Variants in OTUD4 observed in about 807,000 individuals in gnomAD.
OTUD4 encodes the protein OTU domain-containing protein 4.
A neutral mutation model predicts 130.4 loss-of-function variants in OTUD4; 24 were observed. That is an observed-to-expected ratio of 0.18 (90% confidence interval 0.13 to 0.26). The LOEUF (loss-of-function observed/expected upper bound fraction) is 0.26. Among genes scored for constraint, OTUD4 ranks in the 10% least tolerant of loss-of-function variants. OTUD4 has a pLI of 1.00. For missense variants in OTUD4, 1,031 were observed against 1,329.4 expected, an observed-to-expected ratio of 0.78 and a Z score of 3.49; for synonymous variants, 420 against 472.5, an observed-to-expected ratio of 0.89 and a Z score of 1.44.
rs186594384 is a variant in OTUD4, at chr4:145,136,637, A to C, written c.*793T>G. ...TATTTTCAAAATGCATAGCATCTAC[A>C]TTTCTTTCGAGTAGGCACCATGATA... On this transcript the variant is annotated 3_prime_UTR_variant, in exon 21 of 21. Transcript: ENST00000447906. The C allele has an allele frequency of 1.3e-5, 2 of 152,546 alleles. No homozygotes were observed. Among genetic ancestry groups the C allele is most frequent in the African/African-American group, 4.8e-5 (2 of 41,490 alleles). 9.4% of individuals were successfully genotyped at this position (152,546 alleles called of 1,614,324 possible).
intron 5 of OTUD4, 55 bp downstream of exon 5, chr4:145,164,099 G>A: frequency 1.4e-6 from 1 of 730,624 alleles, no homozygotes; most frequent in Non-Finnish European, 2.4e-6. Flanking sequence ...GGTCATGGTA[G>A]CAACTAAGCG....
At chr4:145,144,636 G>T (rs1468227534) in intron 14 of OTUD4, among the ~76,000 whole-genome samples, 1 of 152,080 alleles carries the variant, frequency 6.6e-6, no homozygotes, top group South Asian at 2.1e-4. Context: ...TCGCTAAGTT[G>T]AAAGGATTAA....
chr4:145,160,035 A>T (rs1451148887), intron 6 of OTUD4, among the ~76,000 whole-genome samples: 3 of 152,218 alleles, frequency 2.0e-5, no homozygotes, highest in African/African-American at 7.2e-5. Context: ...CATTATTCTG[A>T]TTCTACAGAT....
intron 3 of OTUD4, chr4:145,171,320 C>CA (rs111725395): frequency 0.015 from 2,078 of 137,070 alleles, 8 homozygotes; most frequent in Middle Eastern, 0.024. Context: ...AATTCCACCT[C>CA]AAAAAAAAAA....
At chr4:145,156,096 A>C in intron 7 of OTUD4, 100 bp from the exon 8 acceptor site, 1 of 863,484 alleles carries the variant, frequency 1.2e-6, no homozygotes, top group Non-Finnish European at 1.9e-6. Flanking sequence ...ACTATGCTCC[A>C]AAAAGAGCTA....
At chr4:145,163,740 C>T (rs1329232271) in intron 5 of OTUD4, among the ~76,000 whole-genome samples, 1 of 137,290 alleles carries the variant, frequency 7.3e-6, no homozygotes, top group Non-Finnish European at 1.5e-5. Flanking sequence ...GAGGTTCACT[C>T]TTGATCCCCG....
intron 2 of OTUD4, among the ~76,000 whole-genome samples, chr4:145,172,936 C>T (rs1175711036): frequency 3.3e-5 from 5 of 152,096 alleles, no homozygotes; most frequent in African/African-American, 4.8e-5. Context: ...GAGCAGAAAG[C>T]GTCCACCTAT....
In OTUD4 at chr4:145,146,015, C is replaced by T. The variant is rs963691093; in HGVS notation, c.1422+252G>A. ...ACACATTTTAGTTCAAAAGAAAACA[C>T]GAAACACTACAAGTGAACAAACCAG... On this transcript the variant is annotated intron_variant, in intron 14 of 20. Coordinates refer to ENST00000447906, the MANE Select transcript of OTUD4 (RefSeq NM_001366057.1). 4 of 267,432 alleles carry T rather than the reference C, an allele frequency of 1.5e-5. No homozygotes were observed. In the South Asian group the frequency reaches 4.7e-4, roughly 32 times the overall value. 16.6% of individuals were successfully genotyped at this position (267,432 alleles called of 1,614,324 possible).
chr4:145,140,310 G>T (rs1161695262), intron 19 of OTUD4, among the ~76,000 whole-genome samples: 1 of 152,122 alleles, frequency 6.6e-6, no homozygotes, highest in African/African-American at 2.4e-5. Flanking sequence ...TTTTCTGGGG[G>T]TTTAAAAATT....
In OTUD4 at chr4:145,135,176, T is replaced by TA. The variant is rs1234294040; in HGVS notation, c.*2253dup. On this transcript the variant is annotated 3_prime_UTR_variant, in exon 21 of 21. Coordinates refer to ENST00000447906, the MANE Select transcript of OTUD4 (RefSeq NM_001366057.1). ...TTATTCCAGAGGTCACTGAGAAAAGTACCATCTGCTAAAATTCTCTTTCAA... is the reference window on the plus strand; with the variant it reads ...TTATTCCAGAGGTCACTGAGAAAAGTAACCATCTGCTAAAATTCTCTTTCAA... The TA allele has an allele frequency of 4.4e-6, 1 of 229,380 alleles. No individual in the cohort carries two copies. The highest frequency in any genetic ancestry group is 8.4e-6 in the Non-Finnish European group (1 of 118,838). The allele number at this position is 229,380 out of a possible 1,614,324, so 14.2% of individuals were successfully genotyped here.
chr4:145,160,488 T>C (rs1751502718), intron 6 of OTUD4, among the ~76,000 whole-genome samples: 1 of 152,186 alleles, frequency 6.6e-6, no homozygotes, highest in Non-Finnish European at 1.5e-5. Flanking sequence ...TTTATAACAA[T>C]GAGCTTTAAG....
Position 145,150,553 on chromosome 4 carries a change from C to T in OTUD4, c.1219G>A (p.Glu407Lys), listed in dbSNP as rs1027408186. Residue 407 changes from glutamate (E) to lysine (K), a missense_variant, in exon 13 of 21, where the codon GAG (glutamate) becomes AAG (lysine). Glu to Lys is a moderately conservative substitution (Grantham distance 56). This residue lies in a region of OTUD4 where 900 missense variants were observed against 1,095.9 expected (regional missense o/e 0.82). Transcript: ENST00000447906. ...SGSQSQKFSS[E>K]HKNLSRTPSQ... ...GGTGTCCGGCTAAGATTTTTGTGCT[C>T]ACTGGAGAATTTCTGAGACTGTGAC... The T allele has an allele frequency of 6.2e-7, 1 of 1,611,198 alleles. No individual in the cohort carries two copies. Among genetic ancestry groups the T allele is most frequent in the African/African-American group, 1.3e-5 (1 of 74,950 alleles).
At chr4:145,138,675 TA>T in intron 20 of OTUD4, 25 bp from the exon 21 acceptor site, 1 of 1,564,716 alleles carries the variant, frequency 6.4e-7, no homozygotes, top group South Asian at 1.2e-5. Context: ...AACAGTTAAA[TA>T]AACAAAAGAG....
intron 13 of OTUD4, among the ~76,000 whole-genome samples, 153 bp from the exon 14 acceptor site, chr4:145,146,582 C>T (rs1750839636): frequency 6.6e-6 from 1 of 151,092 alleles, no homozygotes; most frequent in Non-Finnish European, 1.5e-5. Flanking sequence ...ACTAATTTAG[C>T]TACACTGACA....
At chr4:145,151,076 TAAA>T (rs36226297) in intron 11 of OTUD4, among the ~76,000 whole-genome samples, 171 bp from the exon 12 acceptor site, 2 of 151,032 alleles carry the variant, frequency 1.3e-5, no homozygotes, top group Non-Finnish European at 3.0e-5. Flanking sequence ...GTAATTCTAA[TAAA>T]AAAAAATGAT....
At chr4:145,163,173 A>G (rs1579276310) in intron 5 of OTUD4, among the ~76,000 whole-genome samples, 1 of 152,234 alleles carries the variant, frequency 6.6e-6, no homozygotes, top group African/African-American at 2.4e-5. Flanking sequence ...ATATAACAAT[A>G]TATTTCAAAA....
At chr4:145,150,968 G>T in intron 11 of OTUD4, 63 bp from the exon 12 acceptor site, 1 of 926,682 alleles carries the variant, frequency 1.1e-6, no homozygotes, top group Non-Finnish European at 1.6e-6. Flanking sequence ...TAAATATTCT[G>T]CATATTTATT....
chr4:145,138,024 A>C lies in OTUD4; in HGVS notation c.2751T>G (p.Gly917=). The part of the protein sequence containing the change: ...STVDEFPEAR[G]EHVHSLPEAS... ...CTTCAGGGAGAGAATGTACATGTTC[A>C]CCCCTGGCTTCTGGAAACTCATCTA... The change falls in exon 21 of 21, where the codon GGT becomes GGG. Residue 917 remains glycine, a synonymous_variant. Coordinates refer to ENST00000447906, the MANE Select transcript of OTUD4 (RefSeq NM_001366057.1). 6.2e-7 allele frequency: 1 copy of C among 1,614,154 alleles called. No individual in the cohort carries two copies. Among genetic ancestry groups the C allele is most frequent in the Non-Finnish European group, 8.5e-7 (1 of 1,180,028 alleles).
At chr4:145,155,232 C>T (rs1434288360) in intron 10 of OTUD4, among the ~76,000 whole-genome samples, 179 bp downstream of exon 10, 1 of 152,040 alleles carries the variant, frequency 6.6e-6, no homozygotes, top group Non-Finnish European at 1.5e-5. Context: ...ATTTTAGCAA[C>T]GTATTCAAAT....
Sources: gnomAD v4.1 joint callset for allele counts (sites outside exome capture counted in the v4.1 genomes callset) on GRCh38, gnomAD v4.1.1 for gene constraint, gnomAD v4.1.1 regional missense constraint, MANE v1.5 for transcripts, NCBI Gene and HGNC (gene_info 2026-07-23, HGNC 2026-07-21) for gene names.